EHBP1: variants seen among roughly 807,000 people sequenced by gnomAD.
The protein encoded by EHBP1 is EH domain-binding protein 1.
A neutral mutation model predicts 144.0 loss-of-function variants in EHBP1; 55 were observed. The ratio of observed to expected loss-of-function variants is 0.38; its 90% CI spans 0.31 to 0.48. EHBP1 has a LOEUF of 0.48. Among genes scored for constraint, EHBP1 ranks in the 20% least tolerant of loss-of-function variants. EHBP1 has a pLI of 0.98. For synonymous variants in EHBP1, 469 were observed against 472.7 expected (o/e 0.99, Z 0.10); for missense variants, 1,200 against 1,364.2 (o/e 0.88, Z 1.90).
chr2:62,955,869 A>G (rs886994359), intron 14 of EHBP1: 3 of 415,208 alleles, frequency 7.2e-6, no homozygotes, highest in Non-Finnish European at 1.3e-5. Context: ...TGATGAGGAA[A>G]AGTAAGATCT....
At chr2:62,847,464 C>T (rs1479188816) in intron 7 of EHBP1, among the ~76,000 whole-genome samples, 2 of 152,030 alleles carry the variant, frequency 1.3e-5, no homozygotes, top group Non-Finnish European at 2.9e-5. Flanking sequence ...ACAGATGACA[C>T]AGAAAGCAAT....
chr2:63,013,924 T>G (rs1253237784), intron 19 of EHBP1, among the ~76,000 whole-genome samples: 1 of 152,212 alleles, frequency 6.6e-6, no homozygotes, highest in Non-Finnish European at 1.5e-5. Flanking sequence ...AATGACACCT[T>G]CAGCCCCACT....
chr2:62,752,642 G>C (rs941177741), intron 3 of EHBP1, among the ~76,000 whole-genome samples: 1 of 152,118 alleles, frequency 6.6e-6, no homozygotes, highest in African/African-American at 2.4e-5. Context: ...CTAAGGACTT[G>C]CTTTATGAAT....
At chr2:62,820,465 A>G (rs935204379) in intron 5 of EHBP1, among the ~76,000 whole-genome samples, 1 of 151,492 alleles carries the variant, frequency 6.6e-6, no homozygotes, top group African/African-American at 2.4e-5. Flanking sequence ...GTCCATTTCC[A>G]GAACTTTTTC....
chr2:62,987,552 G>A (rs1055913820), intron 15 of EHBP1, among the ~76,000 whole-genome samples: 2 of 152,148 alleles, frequency 1.3e-5, no homozygotes, highest in African/African-American at 2.4e-5. Flanking sequence ...TGATAAAAGT[G>A]TAAAATTTAG....
At chr2:62,756,449 A>G (rs1404272354) in intron 3 of EHBP1, among the ~76,000 whole-genome samples, 1 of 152,208 alleles carries the variant, frequency 6.6e-6, no homozygotes, top group Non-Finnish European at 1.5e-5. Flanking sequence ...AGTTAGTATG[A>G]TGCAGTATGT....
Position 62,864,783 on chromosome 2 carries a change from T to A in EHBP1, c.810T>A (p.Asn270Lys). ...SPRKTEDSFY[N>K]NSYNPFKEVQ... ...GAAAAACAGAAGACTCTTTTTATAA[T>A]AACAGCTATAATCCCTTTAAAGAGG... The change falls in exon 9 of 23, where the codon AAT (asparagine) becomes AAA (lysine). Residue 270 changes from asparagine to lysine, a missense_variant. Asn to Lys is a moderately conservative substitution (Grantham distance 94). Around this residue, in one of 6 missense-constraint regions of EHBP1, gnomAD observed 266 missense variants for 262.4 expected, o/e 1.01. Transcript: ENST00000431489. 8.7e-6 allele frequency: 14 copies of A among 1,613,730 alleles called. No individual in the cohort carries two copies. The highest frequency in any genetic ancestry group is 1.2e-5 in the Non-Finnish European group (14 of 1,179,872).
chr2:62,739,301 C>T (rs1281087627), intron 2 of EHBP1, among the ~76,000 whole-genome samples: 1 of 152,014 alleles, frequency 6.6e-6, no homozygotes, highest in Non-Finnish European at 1.5e-5. Context: ...TCATCCAAAA[C>T]ACACAATTGC....
At chr2:62,800,629 T>C (rs968067400) in intron 5 of EHBP1, among the ~76,000 whole-genome samples, 1 of 152,170 alleles carries the variant, frequency 6.6e-6, no homozygotes, top group African/African-American at 2.4e-5. Flanking sequence ...AGGGTTTTTG[T>C]TCTATTTTGT....
intron 2 of EHBP1, among the ~76,000 whole-genome samples, chr2:62,735,811 G>T (rs982607404): frequency 5.3e-5 from 8 of 151,670 alleles, no homozygotes; most frequent in African/African-American, 1.9e-4. Flanking sequence ...AGGTTGGTGG[G>T]TTTTTTTTCT....
chr2:62,995,064 G>A (rs1417622204), intron 18 of EHBP1, among the ~76,000 whole-genome samples: 1 of 152,036 alleles, frequency 6.6e-6, no homozygotes, highest in South Asian at 2.1e-4. Context: ...TTGTCTGTCT[G>A]TATGGGAATG....
intron 19 of EHBP1, among the ~76,000 whole-genome samples, chr2:63,007,986 G>C (rs764430081): frequency 6.6e-6 from 1 of 151,672 alleles, no homozygotes; most frequent in Non-Finnish European, 1.5e-5. Flanking sequence ...ATGTGCAGTG[G>C]TCTTAGGCTT....
At chr2:62,917,958 A>G (rs937039784) in intron 10 of EHBP1, among the ~76,000 whole-genome samples, 9 of 150,692 alleles carry the variant, frequency 6.0e-5, no homozygotes, top group African/African-American at 2.0e-4. Context: ...GTGCAGTGGC[A>G]TGATCTCAGC....
intron 10 of EHBP1, among the ~76,000 whole-genome samples, chr2:62,909,637 A>G (rs955515083): frequency 6.6e-6 from 1 of 152,244 alleles, no homozygotes; most frequent in Non-Finnish European, 1.5e-5. Flanking sequence ...GCTGGCAAAA[A>G]TGAACTGTGA....
chr2:62,924,186 C>G (rs1355704707), intron 10 of EHBP1, among the ~76,000 whole-genome samples: 1 of 152,172 alleles, frequency 6.6e-6, no homozygotes, highest in African/African-American at 2.4e-5. Flanking sequence ...GTTCAATGAA[C>G]AGCCCTATGC....
chr2:62,955,656 G>T lies in EHBP1; in HGVS notation c.2456G>T (p.Ser819Ile), dbSNP rs920904601. The T allele has an allele frequency of 1.2e-6, 2 of 1,608,060 alleles. No homozygotes were observed. Among genetic ancestry groups the T allele is most frequent in the Non-Finnish European group, 1.7e-6 (2 of 1,177,482 alleles). Residue 819 changes from serine to isoleucine, a missense_variant, in exon 14 of 23, where the codon AGT becomes ATT. By Grantham distance (142) the Ser-to-Ile change is moderately radical. Transcript: ENST00000431489. ...ACCCCATTCTGCAACAGGCAGCTAA[G>T]TGATGTGAGGAGCATTGGTTAAAAA... ...TATPFCNRQLSDQQDEERRRQ... is the reference protein window; with the variant it reads ...TATPFCNRQLIDQQDEERRRQ...
intron 5 of EHBP1, among the ~76,000 whole-genome samples, chr2:62,779,605 T>C (rs2042288128): frequency 1.3e-5 from 2 of 152,202 alleles, no homozygotes; most frequent in South Asian, 4.1e-4. Flanking sequence ...TAGATCTCTT[T>C]TAGGCCATTC....
rs2153089548 is a variant in EHBP1, at chr2:62,948,422, A to G, written c.1576A>G (p.Ser526Gly). The G allele has an allele frequency of 6.2e-7, 1 of 1,613,898 alleles. No individual in the cohort carries two copies. The highest frequency in any genetic ancestry group is 8.5e-7 in the Non-Finnish European group (1 of 1,179,898). Residue 526 changes from serine (S) to glycine (G), a missense_variant, in exon 13 of 23, where the codon AGC (serine) becomes GGC (glycine). Physicochemically the swap from Ser to Gly is moderately conservative, Grantham distance 56. Around this residue, in one of 6 missense-constraint regions of EHBP1, gnomAD observed 94 missense variants for 143.0 expected, o/e 0.66. Coordinates refer to ENST00000431489, the MANE Select transcript of EHBP1 (RefSeq NM_001142616.3). Reference protein sequence around the residue: ...ELNVVQIEENSSKSTYKVGNY... With the variant: ...ELNVVQIEENGSKSTYKVGNY... ...AAATGTCGTTCAGATAGAGGAAAAC[A>G]GCAGTAAAAGCACATATAAAGTTGG...
At chr2:63,002,350 C>T (rs1262281153) in intron 19 of EHBP1, among the ~76,000 whole-genome samples, 3 of 152,108 alleles carry the variant, frequency 2.0e-5, no homozygotes, top group East Asian at 1.9e-4. Flanking sequence ...TATATATGTA[C>T]ACTTCCTATG....
Sources: gnomAD v4.1 joint callset for allele counts (sites outside exome capture counted in the v4.1 genomes callset) on GRCh38, gnomAD v4.1.1 for gene constraint, gnomAD v4.1.1 regional missense constraint, MANE v1.5 for transcripts, NCBI Gene and HGNC (gene_info 2026-07-23, HGNC 2026-07-21) for gene names.